Variants in SYTL3 observed in about 807,000 individuals in gnomAD.
SYTL3 encodes synaptotagmin-like protein 3.
Under a neutral mutation model 82.1 loss-of-function variants are expected in SYTL3, and 88 were observed. The observed-to-expected ratio is 1.07, with a 90% CI of 0.90 to 1.28. SYTL3 has a LOEUF of 1.28. Ranked by LOEUF, SYTL3 falls within the 50% of genes most tolerant of loss-of-function variation. The pLI is 0.00. For synonymous variants in SYTL3, 311 were observed against 289.4 expected (o/e 1.07, Z -0.76); for missense variants, 831 against 757.6 (o/e 1.10, Z -1.14).
At chr6:158,704,789 A>G (rs1220808136) in intron 6 of SYTL3, among the ~76,000 whole-genome samples, 1 of 152,278 alleles carries the variant, frequency 6.6e-6, no homozygotes, top group Non-Finnish European at 1.5e-5. Flanking sequence ...GTGCCTCAGG[A>G]TACTGTTGCC....
At chr6:158,666,522 G>A (rs1193546929) in intron 5 of SYTL3, among the ~76,000 whole-genome samples, 1 of 152,196 alleles carries the variant, frequency 6.6e-6, no homozygotes, top group Non-Finnish European at 1.5e-5. Context: ...GGGTGACTCC[G>A]TCTGCTGGGG....
At chr6:158,696,415 G>A (rs1474761818) in intron 6 of SYTL3, among the ~76,000 whole-genome samples, 1 of 151,046 alleles carries the variant, frequency 6.6e-6, no homozygotes, top group South Asian at 2.1e-4. Context: ...GTGTTGGCCA[G>A]TATGGTCTTC....
intron 6 of SYTL3, among the ~76,000 whole-genome samples, 157 bp downstream of exon 6, chr6:158,683,146 C>T (rs752253739): frequency 3.2e-4 from 49 of 151,696 alleles, no homozygotes; most frequent in Admixed American, 1.1e-3. Context: ...CTGTAATTCA[C>T]GCTGCTCATT....
chr6:158,693,662 G>T (rs1780163635), intron 6 of SYTL3, among the ~76,000 whole-genome samples: 1 of 143,826 alleles, frequency 7.0e-6, no homozygotes, highest in South Asian at 2.1e-4. Context: ...TGGGATTACA[G>T]GTGTGCCACT....
At chr6:158,715,992 CTT>C (rs1783376778) in intron 9 of SYTL3, among the ~76,000 whole-genome samples, 1 of 152,198 alleles carries the variant, frequency 6.6e-6, no homozygotes, top group Non-Finnish European at 1.5e-5. Context: ...GCCCCAGACT[CTT>C]CACTGGCCCA....
At chr6:158,694,465 T>C (rs1780352767) in intron 6 of SYTL3, among the ~76,000 whole-genome samples, 1 of 151,872 alleles carries the variant, frequency 6.6e-6, no homozygotes, top group Admixed American at 6.6e-5. Context: ...CAGTTAGTTT[T>C]TCTATTTTTA....
intron 2 of SYTL3, among the ~76,000 whole-genome samples, chr6:158,658,127 C>G (rs181570633): frequency 9.9e-5 from 15 of 152,120 alleles, no homozygotes; most frequent in Admixed American, 9.8e-4. Context: ...CTCCTGACCT[C>G]GTGATCCGCC....
At chr6:158,711,771 T>C (rs1049738564) in intron 8 of SYTL3, among the ~76,000 whole-genome samples, 1 of 152,206 alleles carries the variant, frequency 6.6e-6, no homozygotes, top group Non-Finnish European at 1.5e-5. Context: ...TTTTAGAGCA[T>C]GTAGGGTAAC....
chr6:158,708,366 G>A lies in SYTL3; in HGVS notation c.491G>A (p.Ser164Asn). 6.2e-7 allele frequency: 1 copy of A among 1,614,184 alleles called. No individual in the cohort carries two copies. Among genetic ancestry groups the A allele is most frequent in the Non-Finnish European group, 8.5e-7 (1 of 1,180,028 alleles). The change falls in exon 8 of 18, where the codon AGC becomes AAC. Residue 164 changes from serine to asparagine, a missense_variant. Ser to Asn is a conservative substitution (Grantham distance 46, BLOSUM62 1). Transcript: ENST00000611299. ...CCTACTCCACCTCCTGTCAGCGAGA[G>A]CCAGTGCAGCCGCAGTCCTGGCAGG... ...VPPTPPPVSESQCSRSPGRLQ... is the reference protein window; with the variant it reads ...VPPTPPPVSENQCSRSPGRLQ...
intron 2 of SYTL3, among the ~76,000 whole-genome samples, chr6:158,653,184 T>C (rs1050520548): frequency 6.6e-6 from 1 of 152,106 alleles, no homozygotes; most frequent in African/African-American, 2.4e-5. Flanking sequence ...TCACCTTCCT[T>C]TGTGGCTGTA....
intron 5 of SYTL3, among the ~76,000 whole-genome samples, chr6:158,672,807 A>AT (rs1425784222): frequency 1.3e-5 from 2 of 151,182 alleles, no homozygotes; most frequent in Non-Finnish European, 3.0e-5. Flanking sequence ...AATTTTTTGT[A>AT]TTTTTTTGTA....
At chr6:158,748,648 C>A (rs942662425) in intron 12 of SYTL3, among the ~76,000 whole-genome samples, 7 of 152,022 alleles carry the variant, frequency 4.6e-5, no homozygotes, top group Admixed American at 3.3e-4. Context: ...AGTTTGAGAC[C>A]AGCCTGGCCA....
upstream of SYTL3, among the ~76,000 whole-genome samples, chr6:158,645,619 C>G (rs1164400489): frequency 2.0e-4 from 31 of 152,144 alleles, no homozygotes; most frequent in Non-Finnish European, 4.6e-4. Flanking sequence ...ATCAACAACC[C>G]TTGTTATTTC....
Position 158,764,665 on chromosome 6 carries a change from G to T in SYTL3, c.*61G>T, listed in dbSNP as rs1409281395. ...TGAGGCACTGTGCGTCTGCAGAGGGGCTACGAACCAGGTGCAGGGTCCCAG... is the reference window on the plus strand; with the variant it reads ...TGAGGCACTGTGCGTCTGCAGAGGGTCTACGAACCAGGTGCAGGGTCCCAG... On this transcript the variant is annotated 3_prime_UTR_variant, in exon 18 of 18. Coordinates refer to ENST00000611299, the MANE Select transcript of SYTL3 (RefSeq NM_001242394.2). The T allele has an allele frequency of 8.0e-7, 1 of 1,246,346 alleles. No individual in the cohort carries two copies. The highest frequency in any genetic ancestry group is 1.7e-5 in the Admixed American group (1 of 58,910). The allele number at this position is 1,246,346 out of a possible 1,614,324, so 77.2% of individuals were successfully genotyped here.
intron 2 of SYTL3, among the ~76,000 whole-genome samples, chr6:158,660,694 G>C (rs541629346): frequency 6.6e-6 from 1 of 152,166 alleles, no homozygotes. Context: ...GCCAGAGAAC[G>C]GAGCACAAAC....
chr6:158,702,807 AG>A (rs1372633141), intron 6 of SYTL3, among the ~76,000 whole-genome samples: 2 of 151,288 alleles, frequency 1.3e-5, no homozygotes, highest in East Asian at 3.9e-4. Flanking sequence ...TGTCACTTGT[AG>A]ACGTTGTGAC....
intron 13 of SYTL3, among the ~76,000 whole-genome samples, chr6:158,753,853 G>T (rs758193115): frequency 5.9e-5 from 9 of 151,308 alleles, no homozygotes; most frequent in Non-Finnish European, 1.3e-4. Flanking sequence ...AGTATATTGT[G>T]AATATTTTAT....
rs568282589 is a variant in SYTL3 at position 158,754,458 on chromosome 6, C to T, written c.1137+2428C>T. On this transcript the variant is annotated intron_variant, in intron 13 of 17. Transcript: ENST00000611299. ...ATTCTAGGCTGGGTGTGGTGGCTCACGCCTGTAATCCCAGCACTTTGGGAG... is the reference window on the plus strand; with the variant it reads ...ATTCTAGGCTGGGTGTGGTGGCTCATGCCTGTAATCCCAGCACTTTGGGAG... 2.5e-3 allele frequency among the ~76,000 whole-genome samples: 379 copies of T among 152,328 alleles called. 3 individuals are homozygous for T. The highest frequency in any genetic ancestry group is 8.5e-3 in the African/African-American group (353 of 41,578).
intron 11 of SYTL3, among the ~76,000 whole-genome samples, chr6:158,742,962 G>C (rs1046192435): frequency 3.3e-5 from 5 of 152,162 alleles, no homozygotes; most frequent in African/African-American, 1.2e-4. Context: ...GGAAAAGGCA[G>C]CATCTCGGTA....
Sources: allele counts gnomAD v4.1 joint callset (sites outside exome capture counted in the v4.1 genomes callset), GRCh38; gene constraint gnomAD v4.1.1; transcripts MANE v1.5; gene names NCBI Gene and HGNC (gene_info 2026-07-23, HGNC 2026-07-21).